The following PCGF5 variants were observed in gnomAD, a reference collection of about 807,000 sequenced individuals.
PCGF5 encodes polycomb group RING finger protein 5.
PCGF5 carries 9 observed loss-of-function variants against 44.3 expected under a neutral mutation model. The observed-to-expected ratio is 0.20, with a 90% CI of 0.12 to 0.35. PCGF5 has a LOEUF of 0.35. PCGF5 is among the 10% of genes least tolerant of loss of function. The probability of loss-of-function intolerance (pLI) is 1.00; values close to 1 mark genes in which losing one functional copy is unlikely to be tolerated. For missense variants in PCGF5, 146 were observed against 305.3 expected (o/e 0.48, Z 3.89); for synonymous variants, 95 against 102.5 (o/e 0.93, Z 0.44).
intron 7 of PCGF5, among the ~76,000 whole-genome samples, chr10:91,262,807 A>C (rs554885021): frequency 1.5e-4 from 23 of 152,242 alleles, no homozygotes; most frequent in Non-Finnish European, 3.2e-4. Context: ...CAATGTATGG[A>C]TACAACTACA....
At chr10:91,229,669 C>T (rs1844947115) in intron 2 of PCGF5, among the ~76,000 whole-genome samples, 1 of 151,928 alleles carries the variant, frequency 6.6e-6, no homozygotes, top group South Asian at 2.1e-4. Context: ...AACCTGTTTT[C>T]ATGACTATGT....
chr10:91,230,793 T>TTGTATTTTG (rs1423627633), intron 2 of PCGF5, among the ~76,000 whole-genome samples: 2 of 152,116 alleles, frequency 1.3e-5, no homozygotes, highest in Non-Finnish European at 1.5e-5. Flanking sequence ...CTAGTTTTTT[T>TTGTATTTTG]TGTATTTTGT....
chr10:91,258,115 T>G (rs774212869), intron 6 of PCGF5, among the ~76,000 whole-genome samples: 3 of 152,078 alleles, frequency 2.0e-5, no homozygotes, highest in Non-Finnish European at 2.9e-5. Context: ...CAAAGTAGAT[T>G]AGGGTTGTCA....
upstream of PCGF5, among the ~76,000 whole-genome samples, chr10:91,161,549 T>C (rs188235209): frequency 6.6e-6 from 1 of 152,358 alleles, no homozygotes; most frequent in East Asian, 1.9e-4. Context: ...TGATTTACTC[T>C]ATTCTCTTTG....
chr10:91,250,502 T>TC (rs1845597547), intron 5 of PCGF5, among the ~76,000 whole-genome samples: 1 of 151,084 alleles, frequency 6.6e-6, no homozygotes, highest in South Asian at 2.1e-4. Flanking sequence ...TTTTTCTTTT[T>TC]TTTTTTTTTT....
chr10:91,178,796 G>C (rs1843764083), intron 1 of PCGF5, among the ~76,000 whole-genome samples: 1 of 152,078 alleles, frequency 6.6e-6, no homozygotes, highest in Non-Finnish European at 1.5e-5. Flanking sequence ...ATGATGAGTA[G>C]TTTGGAAAAT....
chr10:91,271,511 G>C (rs1411016456), intron 8 of PCGF5, 127 bp from the exon 9 acceptor site: 2 of 648,036 alleles, frequency 3.1e-6, no homozygotes, highest in Non-Finnish European at 4.9e-6. Flanking sequence ...CATTTTTTTG[G>C]AAAGTGTTTA....
At chr10:91,206,212 C>T (rs1222187169) in intron 1 of PCGF5, among the ~76,000 whole-genome samples, 5 of 151,942 alleles carry the variant, frequency 3.3e-5, no homozygotes, top group Admixed American at 2.0e-4. Flanking sequence ...TAGCTCCTGC[C>T]GTCAAGGAGC....
At position 91,173,578 on chromosome 10, in the gene PCGF5, CTTTTT is replaced by C. The variant is rs59254639; in HGVS notation, c.-184+10510_-184+10514del. Among the ~76,000 whole-genome samples, 3 of 115,638 alleles carry C rather than the reference CTTTTT, an allele frequency of 2.6e-5. 1 individual carries two copies. Among genetic ancestry groups the C allele is most frequent in the South Asian group, 2.8e-4 (1 of 3,580 alleles). The allele number at this position is 115,638 out of a possible 152,430, so 75.9% of individuals were successfully genotyped here. On this transcript the variant is annotated intron_variant, in intron 1 of 9. Transcript: ENST00000614189. ...TTATTCTTCTGCTAGAGGGAGTTGGCTTTTTTTTTTTTTTTTTCCCACAGAAGCCA... is the reference window on the plus strand; with the variant it reads ...TTATTCTTCTGCTAGAGGGAGTTGGCTTTTTTTTTTTTCCCACAGAAGCCA...
intron 2 of PCGF5, 31 bp from the exon 3 acceptor site, chr10:91,240,453 C>T (rs1176533079): frequency 2.8e-6 from 4 of 1,418,050 alleles, no homozygotes; most frequent in Non-Finnish European, 3.0e-6. Context: ...TCATATGATG[C>T]GTTTTAACCT....
At chr10:91,200,293 C>G (rs1225514574) in intron 1 of PCGF5, among the ~76,000 whole-genome samples, 1 of 152,196 alleles carries the variant, frequency 6.6e-6, no homozygotes, top group African/African-American at 2.4e-5. Context: ...GAAACTGAAC[C>G]AGAACTCTGG....
the PCGF5 span, among the ~76,000 whole-genome samples, chr10:91,156,510 G>A: frequency 5.3e-5 from 8 of 152,176 alleles, no homozygotes; most frequent in African/African-American, 1.9e-4. Context: ...GCTACACACA[G>A]AGAATTTTCT....
chr10:91,194,082 T>C lies in PCGF5; in HGVS notation c.-183-28607T>C, dbSNP rs1157436250. 7.9e-5 allele frequency among the ~76,000 whole-genome samples: 12 copies of C among 152,278 alleles called. No homozygotes were observed. The East Asian group carries it at 2.3e-3, about 29-fold the overall frequency. On this transcript the variant is annotated intron_variant, in intron 1 of 9. Coordinates refer to the PCGF5 transcript ENST00000614189. ...GGTGGAGGGAGAATTGGAGGTCAGCTTGGACATACTGAGTGTGACATGTCT... is the reference window on the plus strand; with the variant it reads ...GGTGGAGGGAGAATTGGAGGTCAGCCTGGACATACTGAGTGTGACATGTCT...
chr10:91,161,008 T>G (rs1404298168), upstream of PCGF5, among the ~76,000 whole-genome samples: 1 of 152,210 alleles, frequency 6.6e-6, no homozygotes, highest in African/African-American at 2.4e-5. Context: ...CTTCTCCTGC[T>G]TTCCACCACT....
At chr10:91,167,493 C>T (rs1336839286) in intron 1 of PCGF5, among the ~76,000 whole-genome samples, 6 of 152,256 alleles carry the variant, frequency 3.9e-5, no homozygotes, top group South Asian at 4.1e-4. Flanking sequence ...AAAATTGAGA[C>T]GACTTCAATC....
intron 7 of PCGF5, among the ~76,000 whole-genome samples, chr10:91,263,173 T>G (rs1845964709): frequency 6.6e-6 from 1 of 152,352 alleles, no homozygotes; most frequent in African/African-American, 2.4e-5. Context: ...ACCTGACAGC[T>G]GAAGCTTTTG....
chr10:91,239,440 T>G (rs1188435040), intron 2 of PCGF5, among the ~76,000 whole-genome samples: 1 of 152,204 alleles, frequency 6.6e-6, no homozygotes, highest in Non-Finnish European at 1.5e-5. Flanking sequence ...CTAATCTCAT[T>G]TGTAAGAATC....
Position 91,284,042 on chromosome 10 carries a change from T to C in PCGF5, c.*5726T>C, listed in dbSNP as rs565397650. Reference sequence around the variant, plus strand: ...GTAGATATTTAATCAGTACAAGATATGTCTTTTGCAGAAATAAAATGCTGC... The same window carrying C: ...GTAGATATTTAATCAGTACAAGATACGTCTTTTGCAGAAATAAAATGCTGC... On this transcript the variant is annotated 3_prime_UTR_variant, in exon 10 of 10. Coordinates refer to ENST00000336126, the MANE Select transcript of PCGF5 (RefSeq NM_032373.5). 1.4e-4 allele frequency: 22 copies of C among 152,754 alleles called. No individual in the cohort carries two copies. Among genetic ancestry groups the C allele is most frequent in the African/African-American group, 5.1e-4 (21 of 41,564 alleles). The allele number at this position is 152,754 out of a possible 1,614,324, so 9.5% of individuals were successfully genotyped here.
intron 2 of PCGF5, among the ~76,000 whole-genome samples, chr10:91,231,389 A>G (rs1046219388): frequency 2.6e-5 from 4 of 152,204 alleles, no homozygotes; most frequent in African/African-American, 9.7e-5. Context: ...AGGTGTTACA[A>G]TTTTAAGTAA....
Sources: gnomAD v4.1 joint callset for allele counts (sites outside exome capture counted in the v4.1 genomes callset) on GRCh38, gnomAD v4.1.1 for gene constraint, MANE v1.5 for transcripts, NCBI Gene and HGNC (gene_info 2026-07-23, HGNC 2026-07-21) for gene names.